Variants in C4orf17 observed in about 807,000 individuals in gnomAD.
The protein encoded by C4orf17 is chromosome 4 open reading frame 17.
A neutral mutation model predicts 32.0 loss-of-function variants in C4orf17; 25 were observed. The observed-to-expected ratio is 0.78, with a 90% confidence interval of 0.57 to 1.09. The LOEUF is 1.09. C4orf17 is among the 50% of genes least tolerant of loss of function. The pLI is 0.00. For synonymous variants in C4orf17, 149 were observed against 145.8 expected (o/e 1.02, Z -0.16); for missense variants, 420 against 420.0 (o/e 1.00, Z 0.00).
intron 2 of C4orf17, among the ~76,000 whole-genome samples, chr4:99,516,120 G>GT (rs1723176771): frequency 6.6e-6 from 1 of 152,156 alleles, no homozygotes; most frequent in Non-Finnish European, 1.5e-5. Flanking sequence ...AAGGGAGAAG[G>GT]TGAAGTCATT....
rs914582450 is a variant in C4orf17, at chr4:99,513,920, T to A, written c.127+712T>A. On this transcript the variant is annotated intron_variant, in intron 2 of 8. Transcript: ENST00000326581. ...GTTTTGAGAGGTACATTTCTCAAGG[T>A]TATGAAATATATGGAAAACAAGCAG... 6.6e-5 allele frequency among the ~76,000 whole-genome samples: 10 copies of A among 152,208 alleles called. No homozygotes were observed. The Middle Eastern group carries it at 0.01, about 155-fold the overall frequency.
Position 99,522,527 on chromosome 4 carries a change from T to C in C4orf17, c.155T>C (p.Val52Ala), listed in dbSNP as rs368993726. 3 of 1,613,784 alleles carry C rather than the reference T, an allele frequency of 1.9e-6. No individual in the cohort carries two copies. The highest frequency in any genetic ancestry group is 2.5e-6 in the Non-Finnish European group (3 of 1,179,808). The change falls in exon 3 of 9, where the codon GTG (valine) becomes GCG (alanine). Residue 52 changes from valine (V) to alanine (A), a missense_variant. Val to Ala is a moderately conservative substitution (Grantham distance 64). Coordinates refer to ENST00000326581, the MANE Select transcript of C4orf17 (RefSeq NM_032149.3). The part of the protein sequence containing the change: ...KGLNNIPICT[V>A]NDDENAFGTL... ...TTGAATAACATTCCAATCTGTACTGTGAATGATGATGAGAATGCATTTGGA... is the reference window on the plus strand; with the variant it reads ...TTGAATAACATTCCAATCTGTACTGCGAATGATGATGAGAATGCATTTGGA...
intron 5 of C4orf17, 28 bp downstream of exon 5, chr4:99,529,986 A>G: frequency 6.3e-7 from 1 of 1,583,556 alleles, no homozygotes. Flanking sequence ...CAAATCCATA[A>G]CTTGGAAACA....
At chr4:99,538,735 G>C (rs1035566774) in intron 6 of C4orf17, among the ~76,000 whole-genome samples, 1 of 152,070 alleles carries the variant, frequency 6.6e-6, no homozygotes, top group Non-Finnish European at 1.5e-5. Context: ...AATTACCACA[G>C]ACATCATTTC....
In C4orf17 at chr4:99,541,757, A is replaced by G. The variant is rs1723652948; in HGVS notation, c.881-153A>G. The G allele has an allele frequency of 1.4e-5, 9 of 622,378 alleles. No homozygotes were observed. The Admixed American group carries it at 2.9e-4, about 20-fold the overall frequency. The allele number at this position is 622,378 out of a possible 1,614,324, so 38.6% of individuals were successfully genotyped here. On this transcript the variant is annotated intron_variant, in intron 8 of 8. Coordinates refer to ENST00000326581, the MANE Select transcript of C4orf17 (RefSeq NM_032149.3). The stretch of plus-strand genomic sequence containing the variant: ...AAGATGAGCATGTGGTGGAAAAAAA[A>G]AGAAAAGGAATATATTCTTTTGTGA...
intron 2 of C4orf17, among the ~76,000 whole-genome samples, chr4:99,518,585 G>T: frequency 1.6e-5 from 1 of 61,112 alleles, no homozygotes; most frequent in South Asian, 5.7e-4. Flanking sequence ...AGAGAGAGAG[G>T]GAGGGAGACA....
At position 99,513,196 on chromosome 4, in the gene C4orf17, TGCC is replaced by T; in HGVS notation, c.116_118del (p.Cys39_His40delinsTyr). On this transcript the variant is annotated inframe_deletion, in exon 2 of 9. Transcript: ENST00000326581. ...GCACACCCCTCATCCCAGAAGAGTCTGCCACATCAAAGGTAAGGTGACTTAAGG... is the reference window on the plus strand; with the variant it reads ...GCACACCCCTCATCCCAGAAGAGTCTACATCAAAGGTAAGGTGACTTAAGG... 1 of 1,613,896 alleles carries T rather than the reference TGCC, an allele frequency of 6.2e-7. No homozygotes were observed. Among genetic ancestry groups the T allele is most frequent in the Non-Finnish European group, 8.5e-7 (1 of 1,179,804 alleles).
At chr4:99,517,995 C>T (rs2851023) in intron 2 of C4orf17, among the ~76,000 whole-genome samples, 95,588 of 151,962 alleles carry the variant, frequency 0.63, 30,934 homozygotes, top group East Asian at 0.79. Context: ...GTTTGTAAAA[C>T]TGAAGTTCTT....
chr4:99,522,511 A>T lies in C4orf17; in HGVS notation c.139A>T (p.Ile47Phe). 1 of 1,613,674 alleles carries T rather than the reference A, an allele frequency of 6.2e-7. No homozygotes were observed. Among genetic ancestry groups the T allele is most frequent in the Non-Finnish European group, 8.5e-7 (1 of 1,179,694 alleles). Residue 47 changes from isoleucine to phenylalanine, a missense_variant, in exon 3 of 9, where the codon ATT becomes TTT. By Grantham distance (21) the Ile-to-Phe change is conservative (BLOSUM62 0). Coordinates refer to ENST00000326581, the MANE Select transcript of C4orf17 (RefSeq NM_032149.3). ...CTTTACTCACCTAGGCTTGAATAACATTCCAATCTGTACTGTGAATGATGA... is the reference window on the plus strand; with the variant it reads ...CTTTACTCACCTAGGCTTGAATAACTTTCCAATCTGTACTGTGAATGATGA... The part of the protein sequence containing the change: ...RVCHIKGLNN[I>F]PICTVNDDEN...
At chr4:99,539,803 G>A (rs1578197293) in intron 7 of C4orf17, among the ~76,000 whole-genome samples, 1 of 152,020 alleles carries the variant, frequency 6.6e-6, no homozygotes, top group Non-Finnish European at 1.5e-5. Flanking sequence ...AACAATGCAA[G>A]ATTAAAATAA....
chr4:99,540,836 A>G (rs1723640530), intron 8 of C4orf17: 1 of 156,208 alleles, frequency 6.4e-6, no homozygotes, highest in South Asian at 2.0e-4. Context: ...GACAAAGTCA[A>G]CCAGAGAGAA....
chr4:99,538,641 A>G (rs1362502805), intron 6 of C4orf17, among the ~76,000 whole-genome samples: 1 of 152,238 alleles, frequency 6.6e-6, no homozygotes, highest in African/African-American at 2.4e-5. Flanking sequence ...AAACTATACA[A>G]GTAATAAATC....
chr4:99,531,191 T>C (rs1723471904), intron 5 of C4orf17, among the ~76,000 whole-genome samples: 1 of 152,170 alleles, frequency 6.6e-6, no homozygotes, highest in East Asian at 1.9e-4. Context: ...ATTTTGTCTC[T>C]CTCCTCGCCC....
chr4:99,518,542 TATAGAGAGAGAG>T lies in C4orf17; in HGVS notation c.128-3956_128-3945del, dbSNP rs1359669291. Reference sequence around the variant, plus strand: ...AAATATATATATATATATATATATATATAGAGAGAGAGAGAGAGAGAGAGAGAGAGAGAGAGA... The same window carrying T: ...AAATATATATATATATATATATATATAGAGAGAGAGAGAGAGAGAGAGAGA... On this transcript the variant is annotated intron_variant, in intron 2 of 8. Coordinates refer to ENST00000326581, the MANE Select transcript of C4orf17 (RefSeq NM_032149.3). Among the ~76,000 whole-genome samples, 25 of 60,134 alleles carry T rather than the reference TATAGAGAGAGAG, an allele frequency of 4.2e-4. No individual in the cohort carries two copies. The East Asian group carries it at 4.4e-3, about 10-fold the overall frequency. 39.5% of individuals were successfully genotyped at this position (60,134 alleles called of 152,430 possible). A position where few individuals can be genotyped will look rare whatever the true frequency, so the allele number is the denominator to read the frequency against.
rs749895009 is a variant in C4orf17, at chr4:99,524,565, A to G, written c.382A>G (p.Asn128Asp). ...IKECFKTSSE[N>D]PLVIKKEEIK... is the part of the protein sequence containing the mutation. ...AGAGTGCTTCAAAACTTCCAGTGAG[A>G]ATCCCTTAGTAATTAAAAAGGTAAG... The change falls in exon 4 of 9, where the codon AAT (asparagine) becomes GAT (aspartate). Residue 128 changes from asparagine to aspartate, a missense_variant. Physicochemically the swap from Asn to Asp is conservative, Grantham distance 23. Coordinates refer to ENST00000326581, the MANE Select transcript of C4orf17 (RefSeq NM_032149.3). The G allele has an allele frequency of 2.1e-5, 34 of 1,602,518 alleles. No individual in the cohort carries two copies. The Admixed American group carries it at 5.7e-4, about 27-fold the overall frequency.
chr4:99,521,055 A>T (rs1723279812), intron 2 of C4orf17, among the ~76,000 whole-genome samples: 1 of 152,208 alleles, frequency 6.6e-6, no homozygotes, highest in African/African-American at 2.4e-5. Flanking sequence ...ATTAGCTAAT[A>T]AGCATTAGCT....
intron 1 of C4orf17, among the ~76,000 whole-genome samples, chr4:99,512,300 G>A (rs1318658510): frequency 1.3e-5 from 2 of 152,018 alleles, no homozygotes; most frequent in African/African-American, 2.4e-5. Flanking sequence ...TTTAAATAAC[G>A]ACTTTCTATG....
intron 5 of C4orf17, among the ~76,000 whole-genome samples, chr4:99,533,786 T>C (rs1280213273): frequency 6.9e-6 from 1 of 145,798 alleles, no homozygotes; most frequent in Admixed American, 6.8e-5. Context: ...TGAAAAGACC[T>C]TGCCAGAGTG....
Position 99,522,510 on chromosome 4 carries a change from C to T in C4orf17, c.138C>T (p.Asn46=), listed in dbSNP as rs1283502626. The T allele has an allele frequency of 6.2e-7, 1 of 1,613,282 alleles. No individual in the cohort carries two copies. Residue 46 remains asparagine, a synonymous_variant, in exon 3 of 9, where the codon AAC becomes AAT. Transcript: ENST00000326581. The part of the protein sequence containing the change: ...RRVCHIKGLN[N]IPICTVNDDE... ...TCTTTACTCACCTAGGCTTGAATAA[C>T]ATTCCAATCTGTACTGTGAATGATG...
Sources: gnomAD v4.1 joint callset for allele counts (sites outside exome capture counted in the v4.1 genomes callset) on GRCh38, gnomAD v4.1.1 for gene constraint, MANE v1.5 for transcripts, NCBI Gene and HGNC (gene_info 2026-07-23, HGNC 2026-07-21) for gene names.